Variants in CYP27A1 observed in about 807,000 individuals in gnomAD.
The protein encoded by CYP27A1 is cytochrome P450 family 27 subfamily A member 1.
A neutral mutation model predicts 58.2 loss-of-function variants in CYP27A1; 46 were observed. The ratio of observed to expected loss-of-function variants is 0.79; its 90% CI spans 0.62 to 1.01. The LOEUF (loss-of-function observed/expected upper bound fraction) is 1.01. Ranked by LOEUF, CYP27A1 falls within the 50% of genes least tolerant of loss-of-function variation. The pLI is 0.00. For synonymous variants in CYP27A1, 274 were observed against 285.1 expected (o/e 0.96, Z 0.39); for missense variants, 704 against 687.0 (o/e 1.02, Z -0.28).
At chr2:218,792,064 T>TACACACACAC (rs61540539) in intron 1 of CYP27A1, among the ~76,000 whole-genome samples, 78 of 150,058 alleles carry the variant, frequency 5.2e-4, no homozygotes, top group African/African-American at 1.9e-3. Flanking sequence ...TAGAAGTCAC[T>TACACACACAC]ACACACACAC....
At chr2:218,805,595 G>A (rs957645275) in intron 1 of CYP27A1, among the ~76,000 whole-genome samples, 3 of 83,174 alleles carry the variant, frequency 3.6e-5, no homozygotes, top group African/African-American at 1.6e-4. Context: ...TGTGCTTACT[G>A]CTGTATCCCT....
chr2:218,803,193 G>A lies in CYP27A1; in HGVS notation c.256-6384G>A, dbSNP rs185469483. ...TTGCTGGTCTCAAACTCCTGGACTC[G>A]AGTGATCTGCCTGCCTTGGCCTCCC... On this transcript the variant is annotated intron_variant, in intron 1 of 8. Coordinates refer to ENST00000258415, the MANE Select transcript of CYP27A1 (RefSeq NM_000784.4). 2.0e-3 allele frequency among the ~76,000 whole-genome samples: 312 copies of A among 152,210 alleles called. 6 individuals carry two copies. Among genetic ancestry groups the A allele is most frequent in the Non-Finnish European group, 5.1e-4 (35 of 68,014 alleles).
chr2:218,782,878 C>A lies in CYP27A1; in HGVS notation c.255+441C>A, dbSNP rs184414680. Among the ~76,000 whole-genome samples, 2 of 152,150 alleles carry A rather than the reference C, an allele frequency of 1.3e-5. No individual in the cohort carries two copies. The highest frequency in any genetic ancestry group is 2.9e-5 in the Non-Finnish European group (2 of 68,030). On this transcript the variant is annotated intron_variant, in intron 1 of 8. Coordinates refer to ENST00000258415, the MANE Select transcript of CYP27A1 (RefSeq NM_000784.4). This position sits in a 1 kb window ranked among gnomAD's most constrained non-coding sequence, Gnocchi z 4.1. ...CTTGGTTATTTGCAAGGTAAATTTC[C>A]TCTTAGGGGAAAACACAATGCTGCA...
intron 6 of CYP27A1, 51 bp downstream of exon 6, chr2:218,814,238 A>T: frequency 6.2e-7 from 1 of 1,612,650 alleles, no homozygotes; most frequent in South Asian, 1.1e-5. Flanking sequence ...GTGGGGAGGG[A>T]ATCAGAGGAG....
At chr2:218,788,438 GAGCCC>G (rs1324896599) in intron 1 of CYP27A1, among the ~76,000 whole-genome samples, 1 of 152,182 alleles carries the variant, frequency 6.6e-6, no homozygotes, top group Non-Finnish European at 1.5e-5. Context: ...AGCAGTTACA[GAGCCC>G]ACTGAGATCC....
In CYP27A1 at chr2:218,809,722, A is replaced by C. The variant is rs1465709333; in HGVS notation, c.401A>C (p.Lys134Thr). ...GTACGGAACGACATGGAGCTATGGA[A>C]GGAGCACCGGGACCAGCACGACCTG... is the stretch of plus-strand genomic sequence containing the variant. ...YPVRNDMELW[K>T]EHRDQHDLTY... The change falls in exon 2 of 9, where the codon AAG (lysine) becomes ACG (threonine). Residue 134 changes from lysine to threonine, a missense_variant. Lys to Thr is a moderately conservative substitution (Grantham distance 78). Transcript: ENST00000258415. 55 of 1,614,000 alleles carry C rather than the reference A, an allele frequency of 3.4e-5. No individual in the cohort carries two copies. The East Asian group carries it at 1.2e-3, about 35-fold the overall frequency.
At chr2:218,809,556 A>T in intron 1 of CYP27A1, 21 bp from the exon 2 acceptor site, 1 of 1,595,828 alleles carries the variant, frequency 6.3e-7, no homozygotes, top group African/African-American at 1.4e-5. Flanking sequence ...CCAGTTATTC[A>T]GTTTTGATTG....
chr2:218,807,207 C>T (rs573595077), intron 1 of CYP27A1, among the ~76,000 whole-genome samples: 3 of 152,158 alleles, frequency 2.0e-5, no homozygotes, highest in Admixed American at 6.5e-5. Flanking sequence ...GATTTGCCCA[C>T]CTCAGCCTCC....
In CYP27A1 at chr2:218,814,542, TA is replaced by T; in HGVS notation, c.1264-2del. The T allele has an allele frequency of 6.2e-7, 1 of 1,614,184 alleles. No homozygotes were observed. The highest frequency in any genetic ancestry group is 1.1e-5 in the South Asian group (1 of 91,084). On this transcript the variant is annotated splice_acceptor_variant, in intron 7 of 8. Transcript: ENST00000258415. LOFTEE classifies it high-confidence loss of function. ...ATTCATGCTGCCCAATCTTCCTTTA[TA>T]GACCCAGTTTGTGTTCTGCCACTAT...
At chr2:218,811,524 C>T (rs1943715279) in intron 2 of CYP27A1, among the ~76,000 whole-genome samples, 1 of 152,170 alleles carries the variant, frequency 6.6e-6, no homozygotes, top group Non-Finnish European at 1.5e-5. Flanking sequence ...ACGTGAGCAC[C>T]CTTGCCTAAC....
In CYP27A1 at chr2:218,814,177, G is replaced by C; in HGVS notation, c.1174G>C (p.Glu392Gln). ...HMPLLKAVLK[E>Q]TLRLYPVVPT... ...GCCGTTGCTCAAAGCTGTGCTTAAG[G>C]AGACTCTGCGGTAGGACAGAATGCT... The change falls in exon 6 of 9, where the codon GAG (glutamate) becomes CAG (glutamine). Residue 392 changes from glutamate (E) to glutamine (Q), a missense_variant. Physicochemically the swap from Glu to Gln is conservative, Grantham distance 29. Transcript: ENST00000258415. The C allele has an allele frequency of 2.5e-6, 4 of 1,614,264 alleles. No homozygotes were observed. Among genetic ancestry groups the C allele is most frequent in the Non-Finnish European group, 3.4e-6 (4 of 1,180,050 alleles).
chr2:218,784,588 A>T (rs762215707), intron 1 of CYP27A1, among the ~76,000 whole-genome samples: 1 of 152,270 alleles, frequency 6.6e-6, no homozygotes, highest in Non-Finnish European at 1.5e-5. Context: ...AATGAGACAC[A>T]TGGAAAAGAA....
intron 1 of CYP27A1, among the ~76,000 whole-genome samples, chr2:218,808,811 A>C (rs1470460700): frequency 6.6e-6 from 1 of 152,206 alleles, no homozygotes. Context: ...TTCAGCAACT[A>C]TAAGACTATC....
intron 1 of CYP27A1, among the ~76,000 whole-genome samples, chr2:218,794,218 C>T (rs1943524246): frequency 6.6e-6 from 1 of 152,164 alleles, no homozygotes; most frequent in Admixed American, 6.5e-5. Flanking sequence ...CTCCAGGGAC[C>T]TCTTTTTACT....
rs1248855509 is a variant in CYP27A1 at position 218,786,308 on chromosome 2, T to A, written c.255+3871T>A. ...GTTCACCCTCAAGCTGGGATTAGGG[T>A]CCCTCCCACCCAAACCAGGTGTCTG... On this transcript the variant is annotated intron_variant, in intron 1 of 8. Transcript: ENST00000258415. Among the ~76,000 whole-genome samples, 3 of 151,872 alleles carry A rather than the reference T, an allele frequency of 2.0e-5. No homozygotes were observed. In the East Asian group the frequency reaches 5.8e-4, roughly 29 times the overall value.
intron 1 of CYP27A1, among the ~76,000 whole-genome samples, chr2:218,806,468 A>G (rs1943652933): frequency 6.6e-6 from 1 of 152,268 alleles, no homozygotes. Flanking sequence ...GGCACCCGGC[A>G]ACGCACACCA....
intron 2 of CYP27A1, among the ~76,000 whole-genome samples, chr2:218,811,070 G>T (rs894352084): frequency 2.6e-5 from 4 of 152,218 alleles, no homozygotes; most frequent in African/African-American, 9.7e-5. Context: ...AGAATCGCTT[G>T]AACCTGGGAG....
chr2:218,814,389 T>C lies in CYP27A1; in HGVS notation c.1194T>C (p.Pro398=). The C allele has an allele frequency of 6.2e-7, 1 of 1,614,198 alleles. No homozygotes were observed. Among genetic ancestry groups the C allele is most frequent in the Non-Finnish European group, 8.5e-7 (1 of 1,179,992 alleles). Residue 398 remains proline (P), a synonymous_variant, in exon 7 of 9, where the codon CCT becomes CCC. Transcript: ENST00000258415. ...AVLKETLRLY[P]VVPTNSRIIE... The stretch of plus-strand genomic sequence containing the variant: ...ATTCTTTTCCCTGCAGTCTCTACCC[T>C]GTGGTCCCCACAAACTCCCGGATCA...
intron 1 of CYP27A1, among the ~76,000 whole-genome samples, chr2:218,804,117 G>A (rs1943628034): frequency 6.6e-6 from 1 of 152,112 alleles, no homozygotes; most frequent in African/African-American, 2.4e-5. Flanking sequence ...AGAATTCATT[G>A]ACATATCCAG....
Sources: gnomAD v4.1 joint callset for allele counts (sites outside exome capture counted in the v4.1 genomes callset) on GRCh38, gnomAD v4.1.1 for gene constraint, Gnocchi (gnomAD v3.1) non-coding constraint, MANE v1.5 for transcripts, NCBI Gene and HGNC (gene_info 2026-07-23, HGNC 2026-07-21) for gene names.